The following PPP2R5E variants were observed in gnomAD, a reference collection of about 807,000 sequenced individuals.
PPP2R5E encodes the protein serine/threonine-protein phosphatase 2A 56 kDa regulatory subunit epsilon isoform.
PPP2R5E carries 4 observed loss-of-function variants against 65.3 expected under a neutral mutation model. The observed-to-expected ratio is 0.06, with a 90% CI of 0.03 to 0.14. The LOEUF (loss-of-function observed/expected upper bound fraction) is 0.14, where lower values mean the gene tolerates loss of function less well. PPP2R5E is among the 10% of genes least tolerant of loss of function. PPP2R5E has a pLI of 1.00. For missense variants in PPP2R5E, 274 were observed against 556.1 expected (o/e 0.49, Z 5.10); for synonymous variants, 183 against 187.4 (o/e 0.98, Z 0.19).
chr14:63,436,959 C>G (rs573848519), intron 3 of PPP2R5E, among the ~76,000 whole-genome samples: 39 of 152,222 alleles, frequency 2.6e-4, no homozygotes, highest in African/African-American at 8.9e-4. Context: ...TTTTTAGTCA[C>G]AGGATGAAAT....
intron 2 of PPP2R5E, among the ~76,000 whole-genome samples, chr14:63,520,163 G>C (rs1167457163): frequency 2.0e-5 from 3 of 152,104 alleles, no homozygotes; most frequent in Non-Finnish European, 4.4e-5. Context: ...AGCCTCTGGA[G>C]TAGCTGGGAC....
intron 5 of PPP2R5E, among the ~76,000 whole-genome samples, chr14:63,403,030 G>A (rs962446310): frequency 2.6e-5 from 4 of 152,118 alleles, no homozygotes; most frequent in Admixed American, 6.6e-5. Context: ...TTCACCTGGT[G>A]CAGGCCTTCT....
intron 2 of PPP2R5E, among the ~76,000 whole-genome samples, chr14:63,469,428 C>G (rs2139549884): frequency 6.6e-6 from 1 of 152,298 alleles, no homozygotes; most frequent in East Asian, 1.9e-4. Context: ...CGCGGTGGCT[C>G]ACGCCTGTAA....
intron 1 of PPP2R5E, among the ~76,000 whole-genome samples, chr14:63,540,714 C>T (rs886436880): frequency 4.1e-5 from 6 of 147,508 alleles, no homozygotes; most frequent in Non-Finnish European, 7.4e-5. Flanking sequence ...AAGAGGAAAA[C>T]TCCTTCTCAA....
intron 2 of PPP2R5E, among the ~76,000 whole-genome samples, chr14:63,481,442 GCCGAGATCGCA>G (rs1890693433): frequency 6.8e-6 from 1 of 147,634 alleles, no homozygotes; most frequent in African/African-American, 2.5e-5. Flanking sequence ...GTTGCAGTGA[GCCGAGATCGCA>G]CCACTGCACT....
At chr14:63,490,580 G>A (rs1165743742) in intron 2 of PPP2R5E, among the ~76,000 whole-genome samples, 1 of 151,950 alleles carries the variant, frequency 6.6e-6, no homozygotes, top group African/African-American at 2.4e-5. Context: ...CAAAGGACAT[G>A]AGCAAACACT....
intron 3 of PPP2R5E, among the ~76,000 whole-genome samples, chr14:63,448,748 C>T (rs928349682): frequency 2.2e-4 from 33 of 148,780 alleles, no homozygotes; most frequent in Admixed American, 1.3e-3. Context: ...CAAGATCGTG[C>T]CATTGCACTC....
chr14:63,431,500 A>G (rs551799643), intron 3 of PPP2R5E, among the ~76,000 whole-genome samples: 1 of 152,334 alleles, frequency 6.6e-6, no homozygotes, highest in East Asian at 1.9e-4. Context: ...AGTCAAAACA[A>G]TCTCCTCAAT....
chr14:63,380,287 C>A (rs1884269956), intron 13 of PPP2R5E, among the ~76,000 whole-genome samples: 1 of 152,000 alleles, frequency 6.6e-6, no homozygotes, highest in Non-Finnish European at 1.5e-5. Context: ...TTTTAAGTAA[C>A]ATCCTTTAAA....
At chr14:63,381,424 G>C (rs1263689686) in intron 13 of PPP2R5E, among the ~76,000 whole-genome samples, 1 of 152,166 alleles carries the variant, frequency 6.6e-6, no homozygotes, top group Non-Finnish European at 1.5e-5. Context: ...GTGAATCCCA[G>C]AGAGCAAACT....
At chr14:63,440,416 CAA>C (rs74901952) in intron 3 of PPP2R5E, among the ~76,000 whole-genome samples, 99 of 132,930 alleles carry the variant, frequency 7.4e-4, no homozygotes, top group Middle Eastern at 3.8e-3. Flanking sequence ...TGTTCTTAAG[CAA>C]AAAAAAAAAA....
At chr14:63,398,794 AAAAAG>A (rs1365812750) in intron 5 of PPP2R5E, among the ~76,000 whole-genome samples, 15 of 152,340 alleles carry the variant, frequency 9.8e-5, no homozygotes, top group African/African-American at 2.6e-4. Context: ...CATCTCAGAA[AAAAAG>A]AAAAGAAAAG....
chr14:63,442,830 T>C (rs1025470235), intron 3 of PPP2R5E, among the ~76,000 whole-genome samples: 6 of 152,188 alleles, frequency 3.9e-5, no homozygotes, highest in Non-Finnish European at 8.8e-5. Context: ...GGGACTATCA[T>C]GGTTATATTC....
chr14:63,471,276 T>C (rs891112660), intron 2 of PPP2R5E, among the ~76,000 whole-genome samples: 3 of 152,242 alleles, frequency 2.0e-5, no homozygotes, highest in African/African-American at 7.2e-5. Flanking sequence ...TTTCAGAATC[T>C]ATCCTCTATT....
chr14:63,510,055 T>TTA (rs1366550006), intron 2 of PPP2R5E, among the ~76,000 whole-genome samples: 1 of 152,208 alleles, frequency 6.6e-6, no homozygotes, highest in Admixed American at 6.5e-5. Flanking sequence ...CATACAATGA[T>TTA]TATATATTTA....
intron 2 of PPP2R5E, chr14:63,479,435 G>A (rs1011587375): frequency 3.9e-5 from 6 of 152,008 alleles, no homozygotes; most frequent in African/African-American, 1.2e-4. Context: ...AATAAATAAA[G>A]CCAACTTCTC....
At chr14:63,446,919 T>C (rs1035691248) in intron 3 of PPP2R5E, among the ~76,000 whole-genome samples, 1 of 151,772 alleles carries the variant, frequency 6.6e-6, no homozygotes. Context: ...GGATAGTCAA[T>C]GAGTAGTAAT....
At chr14:63,473,767 T>C (rs1390324274) in intron 2 of PPP2R5E, among the ~76,000 whole-genome samples, 1 of 152,242 alleles carries the variant, frequency 6.6e-6, no homozygotes, top group African/African-American at 2.4e-5. Flanking sequence ...TCAAGTCTCT[T>C]AAAGTTTTTA....
chr14:63,455,301 G>A (rs902110081), intron 2 of PPP2R5E, among the ~76,000 whole-genome samples: 1 of 152,086 alleles, frequency 6.6e-6, no homozygotes, highest in African/African-American at 2.4e-5. Flanking sequence ...AGGCAATTCT[G>A]GCAAAACACT....
Sources: allele counts gnomAD v4.1 joint callset (sites outside exome capture counted in the v4.1 genomes callset), GRCh38; gene constraint gnomAD v4.1.1; transcripts MANE v1.5; gene names NCBI Gene and HGNC (gene_info 2026-07-23, HGNC 2026-07-21).